The following MYRIP variants were observed in gnomAD, a reference collection of about 807,000 sequenced individuals.
MYRIP encodes rab effector MyRIP.
A neutral mutation model predicts 98.0 loss-of-function variants in MYRIP; 49 were observed. The ratio of observed to expected loss-of-function variants is 0.50; its 90% CI spans 0.40 to 0.63. MYRIP has a LOEUF of 0.63. Ranked by LOEUF, MYRIP falls within the 30% of genes least tolerant of loss-of-function variation. MYRIP has a pLI of 0.00. For synonymous variants in MYRIP, 404 were observed against 409.5 expected, an observed-to-expected ratio of 0.99 and a Z score of 0.16; for missense variants, 1,004 against 1,058.2, an observed-to-expected ratio of 0.95 and a Z score of 0.71.
chr3:40,212,177 TAC>T, intron 11 of MYRIP, among the ~76,000 whole-genome samples: 1 of 9,814 alleles, frequency 1.0e-4, no homozygotes, highest in East Asian at 4.1e-3. Context: ...TACATATATA[TAC>T]GTGTATGTGT....
chr3:39,902,438 C>T (rs1943764191), intron 2 of MYRIP, among the ~76,000 whole-genome samples: 1 of 152,154 alleles, frequency 6.6e-6, no homozygotes, highest in African/African-American at 2.4e-5. Flanking sequence ...AGTGTTTTCC[C>T]TGTATCTTTC....
chr3:39,983,635 G>T (rs996676016), intron 2 of MYRIP, among the ~76,000 whole-genome samples: 3 of 152,150 alleles, frequency 2.0e-5, no homozygotes, highest in Non-Finnish European at 4.4e-5. Context: ...CAAAGCCTCT[G>T]CCCTTGTGAA....
chr3:40,123,896 C>A (rs902070563), intron 3 of MYRIP, among the ~76,000 whole-genome samples: 1 of 152,190 alleles, frequency 6.6e-6, no homozygotes, highest in Admixed American at 6.5e-5. Flanking sequence ...GCCACATTCC[C>A]AGCACATTTG....
chr3:40,108,989 C>A (rs1428419761), intron 3 of MYRIP, among the ~76,000 whole-genome samples: 1 of 152,198 alleles, frequency 6.6e-6, no homozygotes, highest in Non-Finnish European at 1.5e-5. Flanking sequence ...CAGATAGAGA[C>A]AATCCCTTTA....
chr3:40,258,159 T>G lies in MYRIP; in HGVS notation c.2573T>G (p.Met858Arg), dbSNP rs1169466208. Residue 858 changes from methionine (M) to arginine (R), a missense_variant, in exon 17 of 17, where the codon ATG becomes AGG. By Grantham distance (91) the Met-to-Arg change is moderately conservative. Transcript: ENST00000302541. ...GAGCCTGCTCTGGAGTCAGCTGTGATGTACTGACACCATGGAATTCCACTG... is the reference window on the plus strand; with the variant it reads ...GAGCCTGCTCTGGAGTCAGCTGTGAGGTACTGACACCATGGAATTCCACTG... ...LMEPALESAV[M>R]Y The G allele has an allele frequency of 6.2e-7, 1 of 1,613,916 alleles. No individual in the cohort carries two copies. Among genetic ancestry groups the G allele is most frequent in the South Asian group, 1.1e-5 (1 of 91,086 alleles).
chr3:39,866,388 A>G (rs1942624068), intron 1 of MYRIP, among the ~76,000 whole-genome samples: 1 of 152,216 alleles, frequency 6.6e-6, no homozygotes, highest in East Asian at 1.9e-4. Context: ...CAAAGTTGAC[A>G]TACAAAAATC....
intron 3 of MYRIP, chr3:40,099,957 T>C: frequency 1.0e-6 from 1 of 978,480 alleles, no homozygotes; most frequent in Non-Finnish European, 1.2e-6. Context: ...TTTCTCGGCA[T>C]TGGTTGTCTG....
At chr3:40,173,505 C>T (rs1294619779) in intron 8 of MYRIP, 1 of 152,230 alleles carries the variant, frequency 6.6e-6, no homozygotes, top group Admixed American at 6.5e-5. Flanking sequence ...TATCATAAGC[C>T]AAAACAGTGG....
At chr3:40,140,272 G>T (rs918305646) in intron 3 of MYRIP, among the ~76,000 whole-genome samples, 2 of 152,204 alleles carry the variant, frequency 1.3e-5, no homozygotes, top group Non-Finnish European at 2.9e-5. Context: ...GAGAGATCCA[G>T]TTGCTCCACA....
chr3:40,175,105 A>T lies in MYRIP; in HGVS notation c.873+5012A>T, dbSNP rs1950720907. Among the ~76,000 whole-genome samples the T allele has an allele frequency of 2.0e-5, 3 of 151,300 alleles. No homozygotes were observed. The Admixed American group carries it at 2.0e-4, about 10-fold the overall frequency. On this transcript the variant is annotated intron_variant, in intron 8 of 16. Transcript: ENST00000302541. ...GCGCCACTGCATTCCAGCCTGGGTGACAGAGCAAGTCTCTGTCTCAAAAAT... is the reference window on the plus strand; with the variant it reads ...GCGCCACTGCATTCCAGCCTGGGTGTCAGAGCAAGTCTCTGTCTCAAAAAT...
intron 1 of MYRIP, among the ~76,000 whole-genome samples, chr3:39,873,231 G>T (rs1942860697): frequency 6.6e-6 from 1 of 152,064 alleles, no homozygotes; most frequent in Non-Finnish European, 1.5e-5. Flanking sequence ...GTAGATTCTG[G>T]ATATTAGCCC....
intron 1 of MYRIP, among the ~76,000 whole-genome samples, chr3:39,885,283 C>A (rs1015157460): frequency 6.6e-6 from 1 of 151,878 alleles, no homozygotes; most frequent in Admixed American, 6.6e-5. Context: ...GGAAATCATT[C>A]TTTTGTCTTT....
intron 3 of MYRIP, among the ~76,000 whole-genome samples, chr3:40,092,927 G>A (rs773227181): frequency 6.6e-6 from 1 of 152,118 alleles, no homozygotes; most frequent in Admixed American, 6.5e-5. Flanking sequence ...TGTTCCAGGA[G>A]GTCCAAGTCC....
At chr3:40,210,587 C>CAGTTT (rs1480720596) in intron 11 of MYRIP, among the ~76,000 whole-genome samples, 2 of 152,090 alleles carry the variant, frequency 1.3e-5, no homozygotes, top group African/African-American at 4.8e-5. Context: ...TTTCAGATTT[C>CAGTTT]GATTTGGTTG....
intron 2 of MYRIP, among the ~76,000 whole-genome samples, chr3:39,990,238 G>A (rs1160862462): frequency 6.6e-6 from 1 of 152,200 alleles, no homozygotes; most frequent in Non-Finnish European, 1.5e-5. Flanking sequence ...GCTGGGGGGA[G>A]TGGACTCCTC....
chr3:40,029,428 A>T (rs1947209598), intron 2 of MYRIP, among the ~76,000 whole-genome samples: 1 of 152,208 alleles, frequency 6.6e-6, no homozygotes, highest in Admixed American at 6.5e-5. Context: ...CAGAGCAGTG[A>T]GCCCTGCTCA....
chr3:39,866,666 G>A (rs1942637535), intron 1 of MYRIP, among the ~76,000 whole-genome samples: 1 of 151,790 alleles, frequency 6.6e-6, no homozygotes, highest in Non-Finnish European at 1.5e-5. Context: ...TAAAAGACAT[G>A]GATGAAAGAA....
chr3:40,067,392 A>G (rs994791859), intron 3 of MYRIP, among the ~76,000 whole-genome samples: 7 of 152,160 alleles, frequency 4.6e-5, no homozygotes, highest in African/African-American at 1.7e-4. Flanking sequence ...GCATTCATAA[A>G]TATCTTTTCT....
Position 40,088,570 on chromosome 3 carries a change from A to G in MYRIP, c.332+44299A>G, listed in dbSNP as rs1479971873. 2.0e-5 allele frequency among the ~76,000 whole-genome samples: 3 copies of G among 152,200 alleles called. No homozygotes were observed. In the East Asian group the frequency reaches 5.8e-4, roughly 29 times the overall value. On this transcript the variant is annotated intron_variant, in intron 3 of 16. Coordinates refer to ENST00000302541, the MANE Select transcript of MYRIP (RefSeq NM_015460.4). ...TGAGGTTCCTACCCTTCAGGACCTC[A>G]GAGTCTAGTATGGGAGACAGAAAAC...
Sources: allele counts gnomAD v4.1 joint callset (sites outside exome capture counted in the v4.1 genomes callset), GRCh38; gene constraint gnomAD v4.1.1; transcripts MANE v1.5; gene names NCBI Gene and HGNC (gene_info 2026-07-23, HGNC 2026-07-21).